The following ACSF3 variants were observed in gnomAD, a reference collection of about 807,000 sequenced individuals.
ACSF3 encodes the protein acyl-CoA synthetase family member 3.
A neutral mutation model predicts 53.2 loss-of-function variants in ACSF3; 78 were observed. The observed-to-expected ratio is 1.47, with a 90% CI of 1.22 to 1.77. The LOEUF (loss-of-function observed/expected upper bound fraction) is 1.77, where lower values mean the gene tolerates loss of function less well. Ranked by LOEUF, ACSF3 falls within the 40% of genes most tolerant of loss-of-function variation. The pLI is 0.00. For synonymous variants in ACSF3, 414 were observed against 333.1 expected (o/e 1.24, Z -2.65); for missense variants, 937 against 771.1 (o/e 1.22, Z -2.55).
chr16:89,118,647 A>G (rs575227512), intron 6 of ACSF3, among the ~76,000 whole-genome samples: 47 of 152,332 alleles, frequency 3.1e-4, no homozygotes, highest in African/African-American at 1.1e-3. Context: ...AGGGAGATGA[A>G]TAATTCATGG....
At chr16:89,105,883 C>T (rs550708141) in intron 4 of ACSF3, among the ~76,000 whole-genome samples, 2 of 152,204 alleles carry the variant, frequency 1.3e-5, no homozygotes, top group African/African-American at 4.8e-5. Context: ...ACCCTCAGGG[C>T]GAGAGGCAGG....
At chr16:89,097,920 T>A (rs571019099) in intron 1 of ACSF3, among the ~76,000 whole-genome samples, 2 of 152,294 alleles carry the variant, frequency 1.3e-5, no homozygotes, top group East Asian at 3.9e-4. Flanking sequence ...GTGGCTCGTT[T>A]TCCTCCTGCC....
intron 6 of ACSF3, among the ~76,000 whole-genome samples, chr16:89,116,864 C>T (rs1905213428): frequency 6.6e-6 from 1 of 152,162 alleles, no homozygotes; most frequent in African/African-American, 2.4e-5. Context: ...TCGCGCATCT[C>T]CACGATGGCT....
At chr16:89,109,274 T>C (rs1337844824) in intron 4 of ACSF3, among the ~76,000 whole-genome samples, 1 of 149,878 alleles carries the variant, frequency 6.7e-6, no homozygotes, top group African/African-American at 2.5e-5. Flanking sequence ...ACTGGCAAAC[T>C]GTTTTCCAAA....
chr16:89,112,371 C>T (rs1365406392), intron 5 of ACSF3, 125 bp downstream of exon 5: 10 of 1,222,892 alleles, frequency 8.2e-6, no homozygotes, highest in Middle Eastern at 2.3e-4. Context: ...TTCAATGTTC[C>T]CTCTCTCTCT....
rs767399752 is a variant in ACSF3 at position 89,100,664 on chromosome 16, C to CAGCCCCAGGA, written c.-18_-17insAGCCCCAGGA. On this transcript the variant is annotated 5_prime_UTR_variant, in exon 3 of 11. Transcript: ENST00000614302. ...TCCTGTGCCTTGCCTTTCTCCAGCT[C>CAGCCCCAGGA]GGCCGCCTGTCAGTGCAATGCTGCC... The CAGCCCCAGGA allele has an allele frequency of 3.4e-6, 5 of 1,453,150 alleles. No homozygotes were observed. The highest frequency in any genetic ancestry group is 4.7e-5 in the African/African-American group (2 of 42,558). 90.0% of individuals were successfully genotyped at this position (1,453,150 alleles called of 1,614,324 possible).
chr16:89,120,928 T>A lies in ACSF3; in HGVS notation c.1239+15T>A. ...GGGGGACCAAGGTAAGCCACTCTGC[T>A]CTTGGCAGGTGGGCGGCCGTGTGTC... On this transcript the variant is annotated intron_variant, in intron 7 of 10. Coordinates refer to ENST00000614302, the MANE Select transcript of ACSF3 (RefSeq NM_001243279.3). The A allele has an allele frequency of 1.2e-6, 2 of 1,610,344 alleles. No homozygotes were observed. The highest frequency in any genetic ancestry group is 3.3e-4 in the Middle Eastern group (2 of 6,050).
At chr16:89,149,124 C>T (rs1048834486) in intron 10 of ACSF3, 1 of 152,216 alleles carries the variant, frequency 6.6e-6, no homozygotes, top group Non-Finnish European at 1.5e-5. Flanking sequence ...CAATAAGTTC[C>T]TCATCTCCCT....
At chr16:89,146,388 G>A (rs1912963309) in intron 10 of ACSF3, among the ~76,000 whole-genome samples, 1 of 152,160 alleles carries the variant, frequency 6.6e-6, no homozygotes, top group Admixed American at 6.5e-5. Flanking sequence ...GAGGTGCATG[G>A]AGCTGAGATC....
intron 6 of ACSF3, among the ~76,000 whole-genome samples, chr16:89,119,475 T>C (rs894535247): frequency 1.3e-5 from 2 of 152,140 alleles, no homozygotes; most frequent in African/African-American, 4.8e-5. Context: ...AGTGGGGGGC[T>C]GTGCAATGTG....
At chr16:89,110,883 G>A (rs574908697) in intron 4 of ACSF3, among the ~76,000 whole-genome samples, 1 of 152,248 alleles carries the variant, frequency 6.6e-6, no homozygotes, top group Admixed American at 6.5e-5. Context: ...CCGCACTCTG[G>A]TCGCCTGTGT....
chr16:89,111,152 G>A (rs971740012), intron 4 of ACSF3, among the ~76,000 whole-genome samples: 25 of 152,162 alleles, frequency 1.6e-4, no homozygotes, highest in Admixed American at 2.0e-4. Context: ...CTGGTGATTC[G>A]GACGTTTGGA....
At chr16:89,099,148 G>C (rs899910712) in intron 2 of ACSF3, among the ~76,000 whole-genome samples, 2 of 152,236 alleles carry the variant, frequency 1.3e-5, no homozygotes, top group African/African-American at 4.8e-5. Context: ...CCTTCTTCTC[G>C]CTCTGGAATG....
intron 8 of ACSF3, among the ~76,000 whole-genome samples, chr16:89,144,825 G>T (rs75042359): frequency 4.3e-4 from 66 of 152,282 alleles, no homozygotes; most frequent in African/African-American, 1.5e-3. Flanking sequence ...AAAAGGCCAC[G>T]CATCCCACCC....
At chr16:89,148,157 T>C (rs1913468338) in intron 10 of ACSF3, 1 of 143,244 alleles carries the variant, frequency 7.0e-6, no homozygotes, top group Admixed American at 7.4e-5. Flanking sequence ...CAGGCTGGAG[T>C]GCAGTGGCAT....
chr16:89,151,953 C>T (rs1341168359), intron 10 of ACSF3: 1 of 152,212 alleles, frequency 6.6e-6, no homozygotes, highest in East Asian at 1.9e-4. Context: ...TCAATAGATA[C>T]AGAAAAAGCA....
At position 89,093,875 on chromosome 16, in the gene ACSF3, C is replaced by T. The variant is rs562092702; in HGVS notation, c.-315C>T. The T allele has an allele frequency of 3.2e-6, 1 of 317,388 alleles. No individual in the cohort carries two copies. Among genetic ancestry groups the T allele is most frequent in the Non-Finnish European group, 6.6e-6 (1 of 151,926 alleles). 19.7% of individuals were successfully genotyped at this position (317,388 alleles called of 1,614,324 possible). On this transcript the variant is annotated 5_prime_UTR_variant, in exon 1 of 11. Transcript: ENST00000614302. ...CTGTTGGGCGCCGGAACTGGTCCGG[C>T]CCGACTCACGACCCCGCGGGACCCG... is the stretch of plus-strand genomic sequence containing the variant.
At chr16:89,095,620 TGTG>T (rs1285448442) in intron 1 of ACSF3, among the ~76,000 whole-genome samples, 4 of 148,542 alleles carry the variant, frequency 2.7e-5, no homozygotes, top group East Asian at 2.0e-4. Flanking sequence ...GGGTGTCAGG[TGTG>T]GTGGTGAACA....
chr16:89,117,961 TC>T (rs1905535485), intron 6 of ACSF3, among the ~76,000 whole-genome samples: 1 of 110,554 alleles, frequency 9.0e-6, no homozygotes, highest in Admixed American at 8.6e-5. Flanking sequence ...GTAGGTTCCC[TC>T]AGGCGCCAAG....
Sources: allele counts gnomAD v4.1 joint callset (sites outside exome capture counted in the v4.1 genomes callset), GRCh38; gene constraint gnomAD v4.1.1; transcripts MANE v1.5; gene names NCBI Gene and HGNC (gene_info 2026-07-23, HGNC 2026-07-21).